ELFN1: variants seen among roughly 807,000 people sequenced by gnomAD.
ELFN1 encodes the protein protein ELFN1.
In ELFN1, 6 loss-of-function variants were observed where a neutral mutation model predicts 7.6. That is an observed-to-expected ratio of 0.79 (90% CI 0.43 to 1.56). ELFN1 has a LOEUF of 1.56. Among genes scored for constraint, ELFN1 ranks in the 40% most tolerant of loss-of-function variants. The probability of loss-of-function intolerance (pLI) is 0.01; values close to 1 mark genes in which losing one functional copy is unlikely to be tolerated. For missense variants in ELFN1, 1,169 were observed against 1,232.2 expected, an observed-to-expected ratio of 0.95 and a Z score of 0.77; for synonymous variants, 657 against 588.1, an observed-to-expected ratio of 1.12 and a Z score of -1.70.
intron 3 of ELFN1, among the ~76,000 whole-genome samples, chr7:1,727,143 C>G (rs1355627899): frequency 6.6e-6 from 1 of 152,142 alleles, no homozygotes; most frequent in Admixed American, 6.5e-5. Flanking sequence ...TGCCCACACC[C>G]AAGCACTCAA....
chr7:1,710,139 C>T (rs1779619499), intron 3 of ELFN1, among the ~76,000 whole-genome samples: 1 of 152,220 alleles, frequency 6.6e-6, no homozygotes, highest in South Asian at 2.1e-4. Context: ...CAATAAATAG[C>T]TTGTCTTCCA....
At chr7:1,708,242 A>G (rs1335138270) in intron 2 of ELFN1, among the ~76,000 whole-genome samples, 1 of 152,198 alleles carries the variant, frequency 6.6e-6, no homozygotes, top group African/African-American at 2.4e-5. Flanking sequence ...TATCTGCAAA[A>G]TGGGGATCAG....
intron 3 of ELFN1, among the ~76,000 whole-genome samples, chr7:1,742,674 C>G (rs1780660323): frequency 6.6e-6 from 1 of 152,338 alleles, no homozygotes; most frequent in East Asian, 1.9e-4. Context: ...CTTGGCGTCC[C>G]CTGGCCACTC....
rs113308645 is a variant in ELFN1, at chr7:1,671,170, G to GCC, written c.-549+826_-549+827dup. Among the ~76,000 whole-genome samples, 1,225 of 138,110 alleles carry GCC rather than the reference G, an allele frequency of 8.9e-3. 67 individuals carry two copies. Among genetic ancestry groups the GCC allele is most frequent in the East Asian group, 0.083 (264 of 3,200 alleles). The allele number at this position is 138,110 out of a possible 152,430, so 90.6% of individuals were successfully genotyped here. The stretch of plus-strand genomic sequence containing the variant: ...GGCACTGCCTGCCGTACCGCACACC[G>GCC]CCCCCCCCCCCATAAAAACGACACC... On this transcript the variant is annotated intron_variant, in intron 1 of 3. Coordinates refer to ENST00000424383, the MANE Select transcript of ELFN1 (RefSeq NM_001128636.4).
Position 1,745,539 on chromosome 7 carries a change from G to A in ELFN1, c.943G>A (p.Ala315Thr). ...GCCCACGCTGGCCACGCAGGCCGAGGCCCGCCCCCTCATCAAGGTCAAGCA... is the reference window on the plus strand; with the variant it reads ...GCCCACGCTGGCCACGCAGGCCGAGACCCGCCCCCTCATCAAGGTCAAGCA... ...ALPTLATQAEARPLIKVKQLT... is the reference protein window; with the variant it reads ...ALPTLATQAETRPLIKVKQLT... The change falls in exon 4 of 4, where the codon GCC becomes ACC. Residue 315 changes from alanine to threonine, a missense_variant. Transcript: ENST00000424383. 6.5e-7 allele frequency: 1 copy of A among 1,548,254 alleles called. No homozygotes were observed. The highest frequency in any genetic ancestry group is 8.7e-7 in the Non-Finnish European group (1 of 1,146,896).
At position 1,747,010 on chromosome 7, in the gene ELFN1, A is replaced by G. The variant is rs780202361; in HGVS notation, c.2414A>G (p.Gln805Arg). The G allele has an allele frequency of 1.9e-5, 29 of 1,564,682 alleles. No homozygotes were observed. Among genetic ancestry groups the G allele is most frequent in the Non-Finnish European group, 8.7e-7 (1 of 1,155,600 alleles). ...AAGHALRKKV[Q>R]FAKDEDLHDI... The stretch of plus-strand genomic sequence containing the variant: ...GGCCATGCCCTGCGCAAGAAGGTTC[A>G]GTTCGCCAAAGACGAGGATCTGCAC... Residue 805 changes from glutamine to arginine, a missense_variant, in exon 4 of 4, where the codon CAG (glutamine) becomes CGG (arginine). Transcript: ENST00000424383.
chr7:1,686,701 G>T (rs545306790), intron 1 of ELFN1, among the ~76,000 whole-genome samples: 1 of 152,100 alleles, frequency 6.6e-6, no homozygotes, highest in Admixed American at 6.6e-5. Flanking sequence ...CTTTTTTCCA[G>T]ACCCTCTTTT....
At chr7:1,713,334 C>A (rs1189280055) in intron 3 of ELFN1, among the ~76,000 whole-genome samples, 1 of 152,230 alleles carries the variant, frequency 6.6e-6, no homozygotes, top group Non-Finnish European at 1.5e-5. Context: ...TGGGCCCTGG[C>A]TCCTGTGCGG....
At chr7:1,724,257 A>AC (rs1006245217) in intron 3 of ELFN1, among the ~76,000 whole-genome samples, 3 of 151,874 alleles carry the variant, frequency 2.0e-5, no homozygotes, top group Non-Finnish European at 4.4e-5. Flanking sequence ...CTGAAACCAA[A>AC]CCCTTCATCG....
At chr7:1,690,968 A>G (rs1432445497) in intron 2 of ELFN1, among the ~76,000 whole-genome samples, 2 of 152,222 alleles carry the variant, frequency 1.3e-5, no homozygotes, top group Admixed American at 1.3e-4. Flanking sequence ...TGATACATAC[A>G]GAGACCTACA....
intron 3 of ELFN1, among the ~76,000 whole-genome samples, chr7:1,711,612 G>GA (rs1248993771): frequency 6.7e-6 from 1 of 150,192 alleles, no homozygotes; most frequent in East Asian, 1.9e-4. Flanking sequence ...GAGAGAGAGA[G>GA]AGAGAGAGAG....
At chr7:1,723,541 A>C (rs1780089800) in intron 3 of ELFN1, among the ~76,000 whole-genome samples, 1 of 152,180 alleles carries the variant, frequency 6.6e-6, no homozygotes, top group Admixed American at 6.5e-5. Flanking sequence ...CCCACGCCTC[A>C]CAAGGTTCTG....
chr7:1,688,884 A>G (rs1779106261), intron 2 of ELFN1, among the ~76,000 whole-genome samples: 1 of 152,162 alleles, frequency 6.6e-6, no homozygotes, highest in Non-Finnish European at 1.5e-5. Context: ...GTCACTGCTA[A>G]TCCATTCTCC....
Position 1,746,177 on chromosome 7 carries a change from G to A in ELFN1, c.1581G>A (p.Glu527=). Reference sequence around the variant, plus strand: ...AGGCCAGCAAGGGCAGCTACATGGAGGTTCGAACCGGGGACCCTCCGGAAC... The same window carrying A: ...AGGCCAGCAAGGGCAGCTACATGGAAGTTCGAACCGGGGACCCTCCGGAAC... ...TPKASKGSYM[E]VRTGDPPERR... The change falls in exon 4 of 4, where the codon GAG becomes GAA. Residue 527 remains glutamate (E), a synonymous_variant. Coordinates refer to ENST00000424383, the MANE Select transcript of ELFN1 (RefSeq NM_001128636.4). 1.9e-6 allele frequency: 3 copies of A among 1,549,876 alleles called. No homozygotes were observed. The highest frequency in any genetic ancestry group is 2.7e-5 in the African/African-American group (2 of 73,032).
chr7:1,730,881 A>C (rs1780311364), intron 3 of ELFN1, among the ~76,000 whole-genome samples: 1 of 152,362 alleles, frequency 6.6e-6, no homozygotes, highest in East Asian at 1.9e-4. Context: ...TGCTGACAAA[A>C]TGATTCAAGA....
chr7:1,688,111 G>A lies in ELFN1; in HGVS notation c.-495G>A, dbSNP rs1209682067. 1.3e-5 allele frequency: 2 copies of A among 149,410 alleles called. No individual in the cohort carries two copies. Among genetic ancestry groups the A allele is most frequent in the African/African-American group, 2.5e-5 (1 of 40,420 alleles). The allele number at this position is 149,410 out of a possible 1,614,324, so 9.3% of individuals were successfully genotyped here. A position where few individuals can be genotyped will look rare whatever the true frequency, so the allele number is the denominator to read the frequency against. On this transcript the variant is annotated 5_prime_UTR_variant, in exon 2 of 4. Coordinates refer to ENST00000424383, the MANE Select transcript of ELFN1 (RefSeq NM_001128636.4). ...GGGTCTCAAATTCCTGGACTTAAGCGATTCTCCTACGTTGGTCTCCCAAAG... is the reference window on the plus strand; with the variant it reads ...GGGTCTCAAATTCCTGGACTTAAGCAATTCTCCTACGTTGGTCTCCCAAAG...
intron 3 of ELFN1, among the ~76,000 whole-genome samples, chr7:1,718,940 T>G (rs536781482): frequency 6.6e-6 from 1 of 152,244 alleles, no homozygotes. Flanking sequence ...CAGGGGTTCT[T>G]AGGATGGGAT....
At chr7:1,729,207 C>T (rs767980203) in intron 3 of ELFN1, among the ~76,000 whole-genome samples, 38 of 152,174 alleles carry the variant, frequency 2.5e-4, no homozygotes, top group Non-Finnish European at 4.3e-4. Context: ...GGATGGGGAA[C>T]GTGAGCTTGG....
chr7:1,667,220 A>G (rs1204086440), upstream of ELFN1, among the ~76,000 whole-genome samples: 1 of 149,370 alleles, frequency 6.7e-6, no homozygotes, highest in Admixed American at 6.6e-5. This position sits in a 1 kb window ranked among gnomAD's most constrained non-coding sequence, Gnocchi z 8.2. Context: ...ACCATTCCCG[A>G]CCGAGTCCTC....
Sources: allele counts gnomAD v4.1 joint callset (sites outside exome capture counted in the v4.1 genomes callset), GRCh38; gene constraint gnomAD v4.1.1; non-coding constraint Gnocchi (gnomAD v3.1); transcripts MANE v1.5; gene names NCBI Gene and HGNC (gene_info 2026-07-23, HGNC 2026-07-21).